Variants in NXN observed in about 807,000 individuals in gnomAD.
NXN encodes the protein nucleoredoxin.
Under a neutral mutation model 48.6 loss-of-function variants are expected in NXN, and 16 were observed. That is an observed-to-expected ratio of 0.33 (90% CI 0.22 to 0.50). The LOEUF (loss-of-function observed/expected upper bound fraction) is 0.50, where lower values mean the gene tolerates loss of function less well. NXN is among the 20% of genes least tolerant of loss of function. NXN has a pLI of 0.98. For missense variants in NXN, 492 were observed against 605.5 expected (o/e 0.81, Z 1.97); for synonymous variants, 281 against 269.6 (o/e 1.04, Z -0.41).
At chr17:921,335 C>T (rs973949206) in intron 1 of NXN, among the ~76,000 whole-genome samples, 8 of 152,182 alleles carry the variant, frequency 5.3e-5, no homozygotes, top group East Asian at 3.9e-4. Context: ...GCTCCCTCTC[C>T]GCACTCACAA....
chr17:897,272 C>T (rs906132716), intron 1 of NXN, among the ~76,000 whole-genome samples: 2 of 152,172 alleles, frequency 1.3e-5, no homozygotes, highest in South Asian at 4.1e-4. Context: ...AAGGCAGCTG[C>T]GTGGACATCA....
chr17:970,473 T>C (rs897702454), intron 1 of NXN, among the ~76,000 whole-genome samples: 4 of 151,796 alleles, frequency 2.6e-5, no homozygotes, highest in Non-Finnish European at 5.9e-5. Flanking sequence ...AACACCACCA[T>C]GGAAAAAGGC....
At chr17:811,951 G>T (rs79247057) in intron 5 of NXN, among the ~76,000 whole-genome samples, 1 of 129,408 alleles carries the variant, frequency 7.7e-6, no homozygotes, top group African/African-American at 2.9e-5. Context: ...TTTTTGAGAC[G>T]GAGTCTCGCT....
At position 800,214 on chromosome 17, in the gene NXN, G is replaced by A. The variant is rs1332354705; in HGVS notation, c.*735C>T. The A allele has an allele frequency of 6.6e-6, 1 of 152,412 alleles. No individual in the cohort carries two copies. Among genetic ancestry groups the A allele is most frequent in the Non-Finnish European group, 1.5e-5 (1 of 68,166 alleles). The allele number at this position is 152,412 out of a possible 1,614,324, so 9.4% of individuals were successfully genotyped here. ...CCTTGGGCACAGAGCTGGGTGGAGC[G>A]AGAGGTCCGTGCTGGTGCAGAGGTG... On this transcript the variant is annotated 3_prime_UTR_variant, in exon 8 of 8. Coordinates refer to ENST00000336868, the MANE Select transcript of NXN (RefSeq NM_022463.5).
At chr17:968,419 C>A (rs545940219) in intron 1 of NXN, among the ~76,000 whole-genome samples, 1 of 152,230 alleles carries the variant, frequency 6.6e-6, no homozygotes, top group African/African-American at 2.4e-5. Context: ...CAAAGATACA[C>A]AGATGCAGCC....
At chr17:818,895 A>G (rs2474690) in intron 5 of NXN, among the ~76,000 whole-genome samples, 36,129 of 151,412 alleles carry the variant, frequency 0.24, 4,760 homozygotes, top group East Asian at 0.49. Flanking sequence ...AAAAAAAAAA[A>G]GAAATGCACC....
chr17:973,242 T>C (rs1022658056), intron 1 of NXN, among the ~76,000 whole-genome samples: 2 of 152,136 alleles, frequency 1.3e-5, no homozygotes, highest in African/African-American at 4.8e-5. Flanking sequence ...TCCCGCAGCA[T>C]TCCAGAGCTG....
At chr17:808,099 C>T (rs1168889315) in intron 5 of NXN, among the ~76,000 whole-genome samples, 1 of 152,124 alleles carries the variant, frequency 6.6e-6, no homozygotes, top group African/African-American at 2.4e-5. Flanking sequence ...CCTGCCAGGC[C>T]GTGGACGCTT....
intron 1 of NXN, among the ~76,000 whole-genome samples, chr17:938,383 G>C (rs183424924): frequency 2.0e-5 from 3 of 152,348 alleles, no homozygotes; most frequent in Non-Finnish European, 4.4e-5. Flanking sequence ...CCGAGCCAAA[G>C]AAAAGGTCCC....
chr17:861,634 AAGCAAATGCT>A (rs1290396075), intron 1 of NXN, among the ~76,000 whole-genome samples: 1 of 152,196 alleles, frequency 6.6e-6, no homozygotes, highest in Non-Finnish European at 1.5e-5. Context: ...CCAGAAAAGC[AAGCAAATGCT>A]TACACGATGC....
At chr17:806,038 G>A (rs1043270197) in intron 5 of NXN, among the ~76,000 whole-genome samples, 5 of 151,934 alleles carry the variant, frequency 3.3e-5, no homozygotes, top group African/African-American at 4.8e-5. Context: ...CACAGTGAGC[G>A]CAGGGCCAGT....
At chr17:927,433 A>G (rs1001692445) in intron 1 of NXN, among the ~76,000 whole-genome samples, 1 of 151,720 alleles carries the variant, frequency 6.6e-6, no homozygotes, top group East Asian at 1.9e-4. Flanking sequence ...ACAAGGCGAA[A>G]CCCCGTCTCC....
At chr17:902,398 G>A (rs978879935) in intron 1 of NXN, among the ~76,000 whole-genome samples, 9 of 152,172 alleles carry the variant, frequency 5.9e-5, no homozygotes, top group Non-Finnish European at 1.2e-4. Context: ...AAATCACGGT[G>A]AAGGTCCTCG....
intron 1 of NXN, among the ~76,000 whole-genome samples, chr17:877,699 T>C (rs948431449): frequency 2.6e-5 from 4 of 152,182 alleles, no homozygotes; most frequent in African/African-American, 9.7e-5. Context: ...ACACGCTCAG[T>C]GCTTTACAAA....
chr17:819,454 G>T lies in NXN; in HGVS notation c.805C>A (p.Leu269Met), dbSNP rs202181177. ...GAGCGCCTACCTTGGATTCCGTACAGCCGGTTGAGGCGCGACCGCCGGGCC... is the reference window on the plus strand; with the variant it reads ...GAGCGCCTACCTTGGATTCCGTACATCCGGTTGAGGCGCGACCGCCGGGCC... ...DEARRSRLNR[L>M]YGIQGIPTLI... is the part of the protein sequence containing the mutation. The change falls in exon 5 of 8, where the codon CTG becomes ATG. Residue 269 changes from leucine to methionine, a missense_variant. Transcript: ENST00000336868. The T allele has an allele frequency of 8.7e-6, 14 of 1,614,022 alleles. No individual in the cohort carries two copies. Among genetic ancestry groups the T allele is most frequent in the Non-Finnish European group, 1.2e-5 (14 of 1,179,924 alleles).
At chr17:926,147 G>A (rs567764923) in intron 1 of NXN, among the ~76,000 whole-genome samples, 4 of 152,248 alleles carry the variant, frequency 2.6e-5, no homozygotes, top group Non-Finnish European at 4.4e-5. Flanking sequence ...TGTTAGATCC[G>A]CACATTCTCA....
At chr17:879,287 GGTTTTTT>G (rs1354093121) in intron 1 of NXN, among the ~76,000 whole-genome samples, 6 of 40,900 alleles carry the variant, frequency 1.5e-4, no homozygotes, top group Middle Eastern at 0.045. Flanking sequence ...TTTGGTTTTT[GGTTTTTT>G]GTTTTTTTTT....
intron 1 of NXN, among the ~76,000 whole-genome samples, chr17:843,020 G>GAAAA (rs1427985764): frequency 7.9e-6 from 1 of 126,000 alleles, no homozygotes; most frequent in Non-Finnish European, 1.7e-5. Flanking sequence ...AAGAAAGAAA[G>GAAAA]AAAGAAAGAA....
chr17:863,440 T>C (rs1200662691), intron 1 of NXN, among the ~76,000 whole-genome samples: 2 of 152,124 alleles, frequency 1.3e-5, no homozygotes, highest in Non-Finnish European at 2.9e-5. Context: ...GTGCTGGGAT[T>C]ACAGGTGTGA....
Sources: gnomAD v4.1 joint callset for allele counts (sites outside exome capture counted in the v4.1 genomes callset) on GRCh38, gnomAD v4.1.1 for gene constraint, MANE v1.5 for transcripts, NCBI Gene and HGNC (gene_info 2026-07-23, HGNC 2026-07-21) for gene names.